ZNF787: variants seen among roughly 807,000 people sequenced by gnomAD.
ZNF787 encodes TTF-I-interacting peptide 20.
A neutral mutation model predicts 16.9 loss-of-function variants in ZNF787; 7 were observed. The observed-to-expected ratio is 0.42, with a 90% CI of 0.24 to 0.78. ZNF787 has a LOEUF of 0.78. Among genes scored for constraint, ZNF787 ranks in the 30% least tolerant of loss-of-function variants. The pLI is 0.30. For synonymous variants in ZNF787, 345 were observed against 270.9 expected (o/e 1.27, Z -2.69); for missense variants, 551 against 589.3 (o/e 0.94, Z 0.67).
chr19:56,116,361 A>G (rs1218542448), intron 1 of ZNF787, among the ~76,000 whole-genome samples: 9 of 151,908 alleles, frequency 5.9e-5, no homozygotes, highest in Middle Eastern at 3.2e-3. Context: ...AGAATGGCAT[A>G]AACCCAGGAG....
At chr19:56,110,035 T>C (rs2029933833) in intron 1 of ZNF787, among the ~76,000 whole-genome samples, 1 of 152,178 alleles carries the variant, frequency 6.6e-6, no homozygotes, top group Non-Finnish European at 1.5e-5. Context: ...ACTTTGTGAA[T>C]ATATTAAAAA....
chr19:56,117,824 A>G (rs1201570653), intron 1 of ZNF787, among the ~76,000 whole-genome samples: 2 of 152,194 alleles, frequency 1.3e-5, no homozygotes, highest in Non-Finnish European at 1.5e-5. Context: ...TCAGGAATCC[A>G]TGGCTCTGAC....
intron 2 of ZNF787, among the ~76,000 whole-genome samples, chr19:56,096,447 G>A (rs1041980813): frequency 2.0e-5 from 3 of 151,384 alleles, no homozygotes; most frequent in African/African-American, 7.3e-5. Context: ...AGGCTGGGCC[G>A]CTCATGCCTG....
chr19:56,087,889 G>T lies in ZNF787; in HGVS notation c.*134C>A. The T allele has an allele frequency of 7.9e-7, 1 of 1,262,406 alleles. No individual in the cohort carries two copies. Among genetic ancestry groups the T allele is most frequent in the Non-Finnish European group, 1.0e-6 (1 of 1,000,256 alleles). 78.2% of individuals were successfully genotyped at this position (1,262,406 alleles called of 1,614,324 possible). ...CCCCCACGGACGGCGCAGGGACAGAGGAGGGCGGGGAGCCGGGGATGCCGC... is the reference window on the plus strand; with the variant it reads ...CCCCCACGGACGGCGCAGGGACAGATGAGGGCGGGGAGCCGGGGATGCCGC... On this transcript the variant is annotated 3_prime_UTR_variant, in exon 3 of 3. Coordinates refer to ENST00000610935, the MANE Select transcript of ZNF787 (RefSeq NM_001002836.4).
chr19:56,108,401 C>A (rs1235303703), intron 1 of ZNF787, among the ~76,000 whole-genome samples: 1 of 146,272 alleles, frequency 6.8e-6, no homozygotes, highest in African/African-American at 2.5e-5. Flanking sequence ...CTGCCCAGAG[C>A]TCCCCAGCTC....
At chr19:56,108,902 G>T (rs1324434339) in intron 1 of ZNF787, among the ~76,000 whole-genome samples, 2 of 152,160 alleles carry the variant, frequency 1.3e-5, no homozygotes, top group Admixed American at 1.3e-4. Context: ...CCTCTCCAGA[G>T]GCTACCGACA....
At chr19:56,091,442 C>A (rs915066351) in intron 2 of ZNF787, among the ~76,000 whole-genome samples, 1 of 152,138 alleles carries the variant, frequency 6.6e-6, no homozygotes, top group Admixed American at 6.5e-5. Flanking sequence ...ACGTGGAGAG[C>A]GCAGTGAGTG....
At chr19:56,091,021 AG>A (rs1301510350) in intron 2 of ZNF787, among the ~76,000 whole-genome samples, 3 of 152,262 alleles carry the variant, frequency 2.0e-5, no homozygotes, top group Non-Finnish European at 4.4e-5. Context: ...AGGTGAAGTC[AG>A]GAAGGGGGGA....
rs903399888 is a variant in ZNF787, at chr19:56,087,982, G to A, written c.*41C>T. The A allele has an allele frequency of 7.7e-7, 1 of 1,295,194 alleles. No homozygotes were observed. Among genetic ancestry groups the A allele is most frequent in the Non-Finnish European group, 9.7e-7 (1 of 1,026,206 alleles). 80.2% of individuals were successfully genotyped at this position (1,295,194 alleles called of 1,614,324 possible). A position where few individuals can be genotyped will look rare whatever the true frequency, so the allele number is the denominator to read the frequency against. ...TCTTGCACGTCGTCGCTCCCGCCAA[G>A]CCCGAGGGGCCCTGCCCGCCCCCCC... On this transcript the variant is annotated 3_prime_UTR_variant, in exon 3 of 3. Coordinates refer to ENST00000610935, the MANE Select transcript of ZNF787 (RefSeq NM_001002836.4).
rs539483262 is a variant in ZNF787 at position 56,105,882 on chromosome 19, C to T, written c.-10-2655G>A. 2.0e-5 allele frequency among the ~76,000 whole-genome samples: 3 copies of T among 151,846 alleles called. No homozygotes were observed. The East Asian group carries it at 5.8e-4, about 29-fold the overall frequency. ...CGCCCACGGCAGTCACCGCGCATTC[C>T]CCCGGCCGCGCCCACGGCAGTCACC... On this transcript the variant is annotated intron_variant, in intron 1 of 2. Coordinates refer to ENST00000610935, the MANE Select transcript of ZNF787 (RefSeq NM_001002836.4).
intron 2 of ZNF787, among the ~76,000 whole-genome samples, chr19:56,092,007 A>AAACGG (rs1555775542): frequency 1.3e-4 from 16 of 127,280 alleles, no homozygotes; most frequent in African/African-American, 3.9e-4. Flanking sequence ...AACGGAAGCC[A>AAACGG]AAGCCGAAAC....
chr19:56,099,788 G>C (rs142977733), intron 2 of ZNF787, among the ~76,000 whole-genome samples: 2,148 of 152,032 alleles, frequency 0.014, 48 homozygotes, highest in African/African-American at 0.049. Context: ...ACTGCAGCAG[G>C]GCCACGCAGG....
chr19:56,087,946 G>C lies in ZNF787; in HGVS notation c.*77C>G, dbSNP rs1007403256. The C allele has an allele frequency of 1.2e-4, 150 of 1,292,988 alleles. No homozygotes were observed. The highest frequency in any genetic ancestry group is 1.3e-4 in the Non-Finnish European group (133 of 1,021,502). The allele number at this position is 1,292,988 out of a possible 1,614,324, so 80.1% of individuals were successfully genotyped here. On this transcript the variant is annotated 3_prime_UTR_variant, in exon 3 of 3. Coordinates refer to ENST00000610935, the MANE Select transcript of ZNF787 (RefSeq NM_001002836.4). Reference sequence around the variant, plus strand: ...CATCGCACCCCGTCCGCTTCTCCCTGGGTCTCTTGGTCTTGCACGTCGTCG... The same window carrying C: ...CATCGCACCCCGTCCGCTTCTCCCTCGGTCTCTTGGTCTTGCACGTCGTCG...
intron 2 of ZNF787, chr19:56,102,188 G>T (rs1986124553): frequency 1.3e-5 from 2 of 152,306 alleles, no homozygotes; most frequent in South Asian, 4.1e-4. Flanking sequence ...GGCAAGCTCT[G>T]CCGGCCTTTC....
intron 1 of ZNF787, among the ~76,000 whole-genome samples, chr19:56,111,483 A>G (rs2029978171): frequency 6.6e-6 from 1 of 151,948 alleles, no homozygotes; most frequent in Admixed American, 6.6e-5. Flanking sequence ...CAAACACAAA[A>G]CACCCTGGCC....
intron 2 of ZNF787, among the ~76,000 whole-genome samples, chr19:56,100,579 T>C (rs1388975597): frequency 6.6e-6 from 1 of 152,070 alleles, no homozygotes. Flanking sequence ...TGGGCCCCCA[T>C]ATCCCTCAGC....
At chr19:56,116,491 G>C (rs192197030) in intron 1 of ZNF787, among the ~76,000 whole-genome samples, 75 of 152,266 alleles carry the variant, frequency 4.9e-4, no homozygotes, top group African/African-American at 1.8e-3. Flanking sequence ...TCAGGTGGCT[G>C]AGGAGGCAGG....
intron 2 of ZNF787, among the ~76,000 whole-genome samples, chr19:56,094,747 G>A (rs556626949): frequency 3.3e-5 from 5 of 152,178 alleles, no homozygotes; most frequent in African/African-American, 1.2e-4. Flanking sequence ...TTTTTCCACG[G>A]ACAGGGTGGG....
intron 2 of ZNF787, among the ~76,000 whole-genome samples, chr19:56,098,613 C>A (rs75814536): frequency 7.2e-6 from 1 of 139,232 alleles, no homozygotes; most frequent in African/African-American, 2.9e-5. Context: ...TGATGCCGCC[C>A]GGGTGATTAC....
Sources: allele counts gnomAD v4.1 joint callset (sites outside exome capture counted in the v4.1 genomes callset), GRCh38; gene constraint gnomAD v4.1.1; transcripts MANE v1.5; gene names NCBI Gene and HGNC (gene_info 2026-07-23, HGNC 2026-07-21).